Variants in TTC38 observed in about 807,000 individuals in gnomAD.
The protein encoded by TTC38 is tetratricopeptide repeat domain 38, also known as tetratricopeptide repeat protein 38.
A neutral mutation model predicts 64.2 loss-of-function variants in TTC38; 64 were observed. The observed-to-expected ratio is 1.00, with a 90% confidence interval of 0.81 to 1.23. TTC38 has a LOEUF of 1.23. TTC38 is among the 50% of genes most tolerant of loss of function. TTC38 has a pLI of 0.00. For synonymous variants in TTC38, 254 were observed against 249.3 expected (o/e 1.02, Z -0.18); for missense variants, 573 against 615.5 (o/e 0.93, Z 0.73).
chr22:46,271,976 A>G lies in TTC38; in HGVS notation c.112-359A>G, dbSNP rs1936905615. 6.6e-6 allele frequency among the ~76,000 whole-genome samples: 1 copy of G among 152,104 alleles called. No individual in the cohort carries two copies. Among genetic ancestry groups the G allele is most frequent in the South Asian group, 2.1e-4 (1 of 4,818 alleles). On this transcript the variant is annotated intron_variant, in intron 2 of 13. Transcript: ENST00000381031. This position sits in a 1 kb window ranked among gnomAD's most constrained non-coding sequence, Gnocchi z 5.5. ...AAAATACTCAGTGTTCTACAAAGAA[A>G]AACAAATCTGGATTTATTTTTATTT...
chr22:46,270,035 C>T lies in TTC38; in HGVS notation c.111+1444C>T, dbSNP rs1394808203. Among the ~76,000 whole-genome samples, 2 of 152,164 alleles carry T rather than the reference C, an allele frequency of 1.3e-5. No homozygotes were observed. The highest frequency in any genetic ancestry group is 4.8e-5 in the African/African-American group (2 of 41,436). On this transcript the variant is annotated intron_variant, in intron 2 of 13. Transcript: ENST00000381031. The surrounding 1 kb of genome is among the most constrained non-coding windows in gnomAD (Gnocchi z 4.7). ...TCACAAACTCCTGACCTTGTGATTC[C>T]CCTGCCTTGGCCTCTCAAAGTGCTG...
chr22:46,287,203 A>C, intron 10 of TTC38, 49 bp downstream of exon 10: 13 of 1,481,468 alleles, frequency 8.8e-6, no homozygotes, highest in Non-Finnish European at 1.2e-5. Context: ...CTCCCACATC[A>C]TGAGGAGAGG....
chr22:46,286,034 G>A (rs1027172816), intron 9 of TTC38, among the ~76,000 whole-genome samples: 15 of 113,592 alleles, frequency 1.3e-4, no homozygotes, highest in Middle Eastern at 8.2e-3. Context: ...AAAAAAAAGT[G>A]TATAGCTCTG....
chr22:46,279,887 T>A (rs1269381642), intron 6 of TTC38, among the ~76,000 whole-genome samples: 2 of 152,166 alleles, frequency 1.3e-5, no homozygotes, highest in Non-Finnish European at 2.9e-5. Flanking sequence ...TGAGAGCTCC[T>A]GGGACATTTG....
At position 46,281,828 on chromosome 22, in the gene TTC38, T is replaced by A. The variant is rs1601877568; in HGVS notation, c.735+110T>A. 7.0e-7 allele frequency: 1 copy of A among 1,433,008 alleles called. No individual in the cohort carries two copies. The highest frequency in any genetic ancestry group is 1.4e-5 in the African/African-American group (1 of 71,102). The allele number at this position is 1,433,008 out of a possible 1,614,324, so 88.8% of individuals were successfully genotyped here. On this transcript the variant is annotated intron_variant, in intron 7 of 13. Transcript: ENST00000381031. The surrounding 1 kb of genome is among the most constrained non-coding windows in gnomAD (Gnocchi z 5.2). ...CAGGGCATGGCTTAATTCTCGGGGT[T>A]CCCTCTCCTCCTCCACCTGCACCTG...
Position 46,293,304 on chromosome 22 carries a change from C to G in TTC38, c.*420C>G, listed in dbSNP as rs1478733982. On this transcript the variant is annotated 3_prime_UTR_variant, in exon 14 of 14. Coordinates refer to ENST00000381031, the MANE Select transcript of TTC38 (RefSeq NM_017931.4). This position sits in a 1 kb window ranked among gnomAD's most constrained non-coding sequence, Gnocchi z 6.6. ...CCACCAGGCTGCCCTTGGGATGGACCTTTTCATTCTTTTCTTTATATTCTA... is the reference window on the plus strand; with the variant it reads ...CCACCAGGCTGCCCTTGGGATGGACGTTTTCATTCTTTTCTTTATATTCTA... 1 of 189,334 alleles carries G rather than the reference C, an allele frequency of 5.3e-6. No individual in the cohort carries two copies. The highest frequency in any genetic ancestry group is 5.3e-5 in the Admixed American group (1 of 18,978). The allele number at this position is 189,334 out of a possible 1,614,324, so 11.7% of individuals were successfully genotyped here. A position where few individuals can be genotyped will look rare whatever the true frequency, so the allele number is the denominator to read the frequency against.
At chr22:46,278,926 C>T (rs777936502) in intron 6 of TTC38, among the ~76,000 whole-genome samples, 18 of 152,212 alleles carry the variant, frequency 1.2e-4, no homozygotes, top group African/African-American at 3.9e-4. Context: ...TGATGGGGTA[C>T]GGGGAGCCTG....
Position 46,268,496 on chromosome 22 carries a change from C to T in TTC38, c.34-18C>T, listed in dbSNP as rs750872141. 1 of 1,613,780 alleles carries T rather than the reference C, an allele frequency of 6.2e-7. No homozygotes were observed. The highest frequency in any genetic ancestry group is 1.3e-5 in the African/African-American group (1 of 74,914). On this transcript the variant is annotated intron_variant, in intron 1 of 13. Coordinates refer to ENST00000381031, the MANE Select transcript of TTC38 (RefSeq NM_017931.4). Reference sequence around the variant, plus strand: ...TCCTGGAGAGAAGGCACTGCTATTCCCTTCTTGCCGTCTGTAGGCCTGGAA... The same window carrying T: ...TCCTGGAGAGAAGGCACTGCTATTCTCTTCTTGCCGTCTGTAGGCCTGGAA...
Position 46,293,133 on chromosome 22 carries a change from T to C in TTC38, c.*249T>C, listed in dbSNP as rs2077628431. ...CACAGCCAGTGTGAGTGCTGCTCTT[T>C]CCACCTGCCTTGCAAATTCTGTTTC... On this transcript the variant is annotated 3_prime_UTR_variant, in exon 14 of 14. Transcript: ENST00000381031. The surrounding 1 kb of genome is among the most constrained non-coding windows in gnomAD (Gnocchi z 6.6). The C allele has an allele frequency of 8.7e-6, 4 of 462,314 alleles. No homozygotes were observed. The highest frequency in any genetic ancestry group is 3.3e-5 in the East Asian group (1 of 30,206). The allele number at this position is 462,314 out of a possible 1,614,324, so 28.6% of individuals were successfully genotyped here.
At position 46,275,812 on chromosome 22, in the gene TTC38, C is replaced by CT. The variant is rs1936996080; in HGVS notation, c.539+392dup. On this transcript the variant is annotated intron_variant, in intron 5 of 13. Transcript: ENST00000381031. The surrounding 1 kb of genome is among the most constrained non-coding windows in gnomAD (Gnocchi z 4.5). ...TGAAGCAACTGCCCTCTGGACATACCTGTCACTAAGAGGGAAAAGCAAGCT... is the reference window on the plus strand; with the variant it reads ...TGAAGCAACTGCCCTCTGGACATACCTTGTCACTAAGAGGGAAAAGCAAGCT... Among the ~76,000 whole-genome samples, 1 of 152,188 alleles carries CT rather than the reference C, an allele frequency of 6.6e-6. No homozygotes were observed. Among genetic ancestry groups the CT allele is most frequent in the Admixed American group, 6.5e-5 (1 of 15,272 alleles).
intron 2 of TTC38, chr22:46,269,088 GCC>G (rs58531030): frequency 0.087 from 32,893 of 376,232 alleles, 5,000 homozygotes; most frequent in African/African-American, 0.45. Flanking sequence ...ACATATCTCT[GCC>G]CCCCCCCCAC....
chr22:46,286,412 G>A (rs768932165), intron 9 of TTC38, among the ~76,000 whole-genome samples: 38 of 152,146 alleles, frequency 2.5e-4, no homozygotes, highest in Admixed American at 6.5e-5. Context: ...TGTAATCCCA[G>A]CATTTTGGGA....
In TTC38 at chr22:46,282,222, G is replaced by T; in HGVS notation, c.735+504G>T. On this transcript the variant is annotated intron_variant, in intron 7 of 13. Transcript: ENST00000381031. This position sits in a 1 kb window ranked among gnomAD's most constrained non-coding sequence, Gnocchi z 4.4. ...CACTAGCTTGAGCAAGGCCTCCAAGGCCTACAGTGGCCTGTGAGGGAGAGG... is the reference window on the plus strand; with the variant it reads ...CACTAGCTTGAGCAAGGCCTCCAAGTCCTACAGTGGCCTGTGAGGGAGAGG... 1 of 311,108 alleles carries T rather than the reference G, an allele frequency of 3.2e-6. No individual in the cohort carries two copies. Among genetic ancestry groups the T allele is most frequent in the Non-Finnish European group, 6.5e-6 (1 of 154,964 alleles). 19.3% of individuals were successfully genotyped at this position (311,108 alleles called of 1,614,324 possible).
chr22:46,286,260 G>T lies in TTC38; in HGVS notation c.835-813G>T, dbSNP rs373974930. ...AGGGATGGCTTCATCAGAAAAGCCT[G>T]GGACCACAGAAATGCTTGTGATCTG... On this transcript the variant is annotated intron_variant, in intron 9 of 13. Transcript: ENST00000381031. Among the ~76,000 whole-genome samples the T allele has an allele frequency of 3.0e-4, 46 of 152,158 alleles. No individual in the cohort carries two copies. In the South Asian group the frequency reaches 9.3e-3, roughly 31 times the overall value.
chr22:46,268,950 G>A (rs565190179), intron 2 of TTC38: 1 of 346,154 alleles, frequency 2.9e-6, no homozygotes, highest in East Asian at 8.2e-5. Context: ...GCCTCCCAAA[G>A]TGCTGGGATT....
At chr22:46,268,734 G>A in intron 2 of TTC38, 143 bp downstream of exon 2, 13 of 766,338 alleles carry the variant, frequency 1.7e-5, no homozygotes, top group Non-Finnish European at 2.7e-5. Flanking sequence ...GCCCAGGCTG[G>A]AGTGCAGTGG....
At position 46,272,662 on chromosome 22, in the gene TTC38, G is replaced by A. The variant is rs540806542; in HGVS notation, c.193+246G>A. Among the ~76,000 whole-genome samples, 2 of 152,254 alleles carry A rather than the reference G, an allele frequency of 1.3e-5. No homozygotes were observed. Among genetic ancestry groups the A allele is most frequent in the Non-Finnish European group, 2.9e-5 (2 of 68,020 alleles). On this transcript the variant is annotated intron_variant, in intron 3 of 13. Coordinates refer to ENST00000381031, the MANE Select transcript of TTC38 (RefSeq NM_017931.4). The surrounding 1 kb of genome is among the most constrained non-coding windows in gnomAD (Gnocchi z 6.4). The stretch of plus-strand genomic sequence containing the variant: ...TCTTTTCTTTAATTACCATCAATTC[G>A]GGAATGAAGATGCTGATCTCATTTC...
chr22:46,277,599 T>G (rs1416557076), intron 5 of TTC38, among the ~76,000 whole-genome samples: 1 of 101,566 alleles, frequency 9.8e-6, no homozygotes, highest in Non-Finnish European at 1.9e-5. Flanking sequence ...AGCGAGACTC[T>G]GTCTCCAAAA....
chr22:46,276,205 A>G lies in TTC38; in HGVS notation c.539+784A>G, dbSNP rs556950560. 6.6e-6 allele frequency among the ~76,000 whole-genome samples: 1 copy of G among 152,300 alleles called. No individual in the cohort carries two copies. The highest frequency in any genetic ancestry group is 2.1e-4 in the South Asian group (1 of 4,828). Reference sequence around the variant, plus strand: ...GTGAGTGTGAGGGCTGGCAAGTTCAAAATCTGTAGGGCAGGGCAGCAAGCT... The same window carrying G: ...GTGAGTGTGAGGGCTGGCAAGTTCAGAATCTGTAGGGCAGGGCAGCAAGCT... On this transcript the variant is annotated intron_variant, in intron 5 of 13. Coordinates refer to ENST00000381031, the MANE Select transcript of TTC38 (RefSeq NM_017931.4). The surrounding 1 kb of genome is among the most constrained non-coding windows in gnomAD (Gnocchi z 4.7).
Sources: gnomAD v4.1 joint callset for allele counts (sites outside exome capture counted in the v4.1 genomes callset) on GRCh38, gnomAD v4.1.1 for gene constraint, Gnocchi (gnomAD v3.1) non-coding constraint, MANE v1.5 for transcripts, NCBI Gene and HGNC (gene_info 2026-07-23, HGNC 2026-07-21) for gene names.